ANKAR: variants seen among roughly 807,000 people sequenced by gnomAD.
ANKAR encodes ankyrin and armadillo repeat containing, also known as ankyrin and armadillo repeat-containing protein.
A neutral mutation model predicts 146.2 loss-of-function variants in ANKAR; 136 were observed. The ratio of observed to expected loss-of-function variants is 0.93; its 90% confidence interval spans 0.81 to 1.07. The LOEUF (loss-of-function observed/expected upper bound fraction) is 1.07, where lower values mean the gene tolerates loss of function less well. ANKAR is among the 50% of genes least tolerant of loss of function. The pLI is 0.00. For missense variants in ANKAR, 1,567 were observed against 1,679.9 expected (o/e 0.93, Z 1.18); for synonymous variants, 500 against 575.8 (o/e 0.87, Z 1.88).
At chr2:189,697,917 C>T (rs1277470868) in intron 7 of ANKAR, among the ~76,000 whole-genome samples, 1 of 152,080 alleles carries the variant, frequency 6.6e-6, no homozygotes, top group Non-Finnish European at 1.5e-5. Context: ...ATATGACATG[C>T]CTGGATGACT....
chr2:189,742,026 A>C (rs2043385700), intron 20 of ANKAR, among the ~76,000 whole-genome samples: 1 of 152,206 alleles, frequency 6.6e-6, no homozygotes, highest in African/African-American at 2.4e-5. Context: ...AAGCAGGGTT[A>C]GATGTAAGGG....
chr2:189,730,578 A>G lies in ANKAR; in HGVS notation c.3277A>G (p.Asn1093Asp). The change falls in exon 16 of 23, where the codon AAT becomes GAT. Residue 1093 changes from asparagine (N) to aspartate (D), a missense_variant. Physicochemically the swap from Asn to Asp is conservative, Grantham distance 23 (BLOSUM62 1). Coordinates refer to ENST00000684021, the MANE Select transcript of ANKAR (RefSeq NM_001378068.1). The stretch of plus-strand genomic sequence containing the variant: ...TCCAGTACTTATCCAACTACTAAGA[A>G]ATCACCCTTCTCCTAACATTAAGGT... Reference protein sequence around the residue: ...AFPVLIQLLRNHPSPNIKVEV... With the variant: ...AFPVLIQLLRDHPSPNIKVEV... 2.5e-6 allele frequency: 4 copies of G among 1,591,134 alleles called. No homozygotes were observed. Among genetic ancestry groups the G allele is most frequent in the Non-Finnish European group, 2.6e-6 (3 of 1,164,062 alleles).
chr2:189,722,303 C>T (rs547175480), intron 12 of ANKAR, among the ~76,000 whole-genome samples: 1 of 135,120 alleles, frequency 7.4e-6, no homozygotes, highest in Non-Finnish European at 1.5e-5. Context: ...TGTACCACTG[C>T]ACTCTAGCCT....
chr2:189,681,449 A>G (rs1209071437), intron 2 of ANKAR, among the ~76,000 whole-genome samples: 1 of 152,206 alleles, frequency 6.6e-6, no homozygotes, highest in Non-Finnish European at 1.5e-5. Flanking sequence ...GCCACCCTCT[A>G]TGAGGATTCC....
chr2:189,728,043 A>G lies in ANKAR; in HGVS notation c.2823A>G (p.Ile941Met), dbSNP rs201681979. The G allele has an allele frequency of 3.1e-6, 5 of 1,613,818 alleles. No homozygotes were observed. The highest frequency in any genetic ancestry group is 4.2e-6 in the Non-Finnish European group (5 of 1,179,816). Residue 941 changes from isoleucine to methionine, a missense_variant, in exon 13 of 23, where the codon ATA becomes ATG. By Grantham distance (10) the Ile-to-Met change is conservative. Transcript: ENST00000684021. ...CACTGGCAAGTCACAACGCTCTTAT[A>G]CAGAAAGCATTTCTGGAAAAATCGT... ...VESLASHNAL[I>M]QKAFLEKSLT...
intron 2 of ANKAR, among the ~76,000 whole-genome samples, chr2:189,687,176 C>T (rs2035722145): frequency 6.6e-6 from 1 of 152,090 alleles, no homozygotes; most frequent in Admixed American, 6.6e-5. Flanking sequence ...TCCATGAGGT[C>T]AATTGTTTTA....
At chr2:189,681,122 C>T (rs2034603149) in intron 2 of ANKAR, among the ~76,000 whole-genome samples, 1 of 152,164 alleles carries the variant, frequency 6.6e-6, no homozygotes, top group Admixed American at 6.5e-5. Context: ...ATATGCCAAA[C>T]TGGTAAAGAA....
At chr2:189,755,015 A>C in intron 18 of ANKAR, 2 of 775,192 alleles carry the variant, frequency 2.6e-6, no homozygotes, top group Non-Finnish European at 4.0e-6. Context: ...AAAATTGTGT[A>C]CTACTCTTTC....
At chr2:189,714,025 A>G (rs1177363003) in intron 10 of ANKAR, among the ~76,000 whole-genome samples, 1 of 152,176 alleles carries the variant, frequency 6.6e-6, no homozygotes, top group Admixed American at 6.5e-5. Flanking sequence ...AGGGCATTAT[A>G]TAATGGTAAA....
chr2:189,704,146 A>AT (rs747007573), intron 7 of ANKAR, among the ~76,000 whole-genome samples: 5 of 8,678 alleles, frequency 5.8e-4, no homozygotes, highest in Admixed American at 2.3e-3. Context: ...CATTATTGGG[A>AT]ATTTTTTTTT....
Position 189,735,164 on chromosome 2 carries a change from C to T in ANKAR, c.3423+1935C>T, listed in dbSNP as rs546950924. Among the ~76,000 whole-genome samples the T allele has an allele frequency of 5.3e-5, 8 of 152,176 alleles. 1 individual carries two copies. In the East Asian group the frequency reaches 1.5e-3, roughly 29 times the overall value. On this transcript the variant is annotated intron_variant, in intron 17 of 22. Transcript: ENST00000684021. ...CTTACTCCTCATGTGCACCCTTCTT[C>T]TCCCTTTTGTTACACATTCCACTCT... is the stretch of plus-strand genomic sequence containing the variant.
At chr2:189,721,027 G>A (rs1559117144) in intron 12 of ANKAR, among the ~76,000 whole-genome samples, 1 of 151,940 alleles carries the variant, frequency 6.6e-6, no homozygotes, top group Non-Finnish European at 1.5e-5. Context: ...TCAGTCTGTC[G>A]CCCAGGCTGG....
At chr2:189,716,422 G>T (rs2040467004) in intron 10 of ANKAR, among the ~76,000 whole-genome samples, 1 of 152,072 alleles carries the variant, frequency 6.6e-6, no homozygotes, top group Non-Finnish European at 1.5e-5. Context: ...ACAAACCACT[G>T]CTCAATGAAA....
intron 18 of ANKAR, 69 bp from the exon 19 acceptor site, chr2:189,738,496 G>T (rs2105884260): frequency 5.5e-6 from 5 of 916,666 alleles, no homozygotes; most frequent in Non-Finnish European, 6.7e-6. Context: ...CATAAAAAAT[G>T]ACAAACGTGT....
At chr2:189,682,552 C>T (rs1347960144) in intron 2 of ANKAR, among the ~76,000 whole-genome samples, 1 of 152,152 alleles carries the variant, frequency 6.6e-6, no homozygotes, top group Non-Finnish European at 1.5e-5. Context: ...TGAAATCCTA[C>T]AGGGCCAATG....
At chr2:189,675,035 T>TG (rs2033302510) in intron 1 of ANKAR, among the ~76,000 whole-genome samples, 2 of 152,206 alleles carry the variant, frequency 1.3e-5, no homozygotes, top group South Asian at 4.1e-4. Context: ...CTCACTGACC[T>TG]GGGGTCTCAG....
At chr2:189,682,303 AG>A (rs1240051692) in intron 2 of ANKAR, among the ~76,000 whole-genome samples, 1 of 152,008 alleles carries the variant, frequency 6.6e-6, no homozygotes, top group African/African-American at 2.4e-5. Flanking sequence ...CCCATCTTTT[AG>A]GAAAAAAAAA....
intron 18 of ANKAR, chr2:189,752,663 A>T: frequency 6.2e-7 from 1 of 1,613,802 alleles, no homozygotes; most frequent in South Asian, 1.1e-5. Context: ...TTTGGTTCAT[A>T]GCGGATGCCT....
chr2:189,740,921 C>T (rs1163363082), intron 19 of ANKAR, among the ~76,000 whole-genome samples: 16 of 152,010 alleles, frequency 1.1e-4, no homozygotes, highest in Admixed American at 7.9e-4. Context: ...CACGAACTCC[C>T]GAAGTCAGGT....
Sources: allele counts gnomAD v4.1 joint callset (sites outside exome capture counted in the v4.1 genomes callset), GRCh38; gene constraint gnomAD v4.1.1; transcripts MANE v1.5; gene names NCBI Gene and HGNC (gene_info 2026-07-23, HGNC 2026-07-21).